Variants in ADCY3 observed in about 807,000 individuals in gnomAD.
ADCY3 encodes adenylate cyclase type 3.
ADCY3 carries 70 observed loss-of-function variants against 119.4 expected under a neutral mutation model. That is an observed-to-expected ratio of 0.59 (90% CI 0.48 to 0.72). ADCY3 has a LOEUF of 0.72. Among genes scored for constraint, ADCY3 ranks in the 30% least tolerant of loss-of-function variants. The pLI is 0.00. For synonymous variants in ADCY3, 672 were observed against 621.4 expected (o/e 1.08, Z -1.21); for missense variants, 1,238 against 1,541.6 (o/e 0.80, Z 3.30).
chr2:24,827,855 G>A, intron 14 of ADCY3, 47 bp downstream of exon 14: 1 of 1,606,714 alleles, frequency 6.2e-7, no homozygotes, highest in African/African-American at 1.3e-5. Flanking sequence ...GACTTTGCGG[G>A]CGGGAGGAAG....
intron 2 of ADCY3, among the ~76,000 whole-genome samples, chr2:24,914,329 C>T (rs1187633227): frequency 1.3e-5 from 2 of 152,208 alleles, no homozygotes; most frequent in African/African-American, 4.8e-5. Context: ...CTGTTTCTGC[C>T]ACCAAAGTGA....
chr2:24,862,342 C>T (rs923577295), intron 3 of ADCY3, among the ~76,000 whole-genome samples: 10 of 152,122 alleles, frequency 6.6e-5, no homozygotes, highest in Non-Finnish European at 1.2e-4. Context: ...GTCAGGAGAT[C>T]GAGACCATCC....
At chr2:24,889,037 A>C (rs1287564048) in intron 2 of ADCY3, among the ~76,000 whole-genome samples, 1 of 152,228 alleles carries the variant, frequency 6.6e-6, no homozygotes, top group Non-Finnish European at 1.5e-5. Flanking sequence ...AAGGCTGCAG[A>C]AAACTCAACT....
At chr2:24,908,337 GA>G (rs955771115) in intron 2 of ADCY3, among the ~76,000 whole-genome samples, 4 of 151,512 alleles carry the variant, frequency 2.6e-5, no homozygotes, top group African/African-American at 4.9e-5. Context: ...AAAAAAGAAA[GA>G]AAAAAAAGTA....
chr2:24,839,554 G>A (rs963827072), intron 7 of ADCY3, among the ~76,000 whole-genome samples: 4 of 152,222 alleles, frequency 2.6e-5, no homozygotes, highest in Admixed American at 6.5e-5. Flanking sequence ...GACATAAGGA[G>A]AGCTGGGGCA....
intron 3 of ADCY3, among the ~76,000 whole-genome samples, chr2:24,861,556 A>G (rs921706400): frequency 6.6e-6 from 1 of 151,516 alleles, no homozygotes; most frequent in African/African-American, 2.4e-5. Flanking sequence ...GTGTTTTTCC[A>G]TCTATTATCT....
rs554976843 is a variant in ADCY3 at position 24,878,560 on chromosome 2, G to C, written c.676-5841C>G. ...AGAGACCTATGACGTTCTGCGGCTG[G>C]AGGCCAGCCGCACGGGAAACTCGTC... is the stretch of plus-strand genomic sequence containing the variant. On this transcript the variant is annotated intron_variant, in intron 2 of 21. Transcript: ENST00000679454. The surrounding 1 kb of genome is among the most constrained non-coding windows in gnomAD (Gnocchi z 4.0). Among the ~76,000 whole-genome samples, 3 of 152,274 alleles carry C rather than the reference G, an allele frequency of 2.0e-5. No individual in the cohort carries two copies. The highest frequency in any genetic ancestry group is 6.5e-5 in the Admixed American group (1 of 15,296).
chr2:24,825,282 CCT>C (rs1223168106), intron 16 of ADCY3, among the ~76,000 whole-genome samples: 2 of 147,384 alleles, frequency 1.4e-5, no homozygotes, highest in African/African-American at 2.6e-5. Flanking sequence ...CTTTCTCTTC[CCT>C]CTCTTCCTTC....
At chr2:24,887,185 C>G (rs1316289712) in intron 2 of ADCY3, among the ~76,000 whole-genome samples, 3 of 152,114 alleles carry the variant, frequency 2.0e-5, no homozygotes, top group African/African-American at 4.8e-5. Context: ...GAAGACGTGC[C>G]GAGCGAAAGG....
chr2:24,915,764 C>A (rs1664373117), intron 2 of ADCY3, among the ~76,000 whole-genome samples: 1 of 152,192 alleles, frequency 6.6e-6, no homozygotes. Flanking sequence ...TGGTCTTGAA[C>A]TCCTGACCTC....
intron 3 of ADCY3, among the ~76,000 whole-genome samples, chr2:24,854,780 T>C (rs1672806650): frequency 6.6e-6 from 1 of 152,180 alleles, no homozygotes; most frequent in African/African-American, 2.4e-5. Flanking sequence ...CTGGGCATGG[T>C]GGATCACGCC....
intron 16 of ADCY3, among the ~76,000 whole-genome samples, chr2:24,825,250 T>C (rs924371436): frequency 5.3e-5 from 8 of 151,300 alleles, no homozygotes; most frequent in African/African-American, 1.5e-4. Context: ...TGAACTAACA[T>C]TGGGCCCTAA....
At chr2:24,891,895 G>A (rs538038210) in intron 2 of ADCY3, among the ~76,000 whole-genome samples, 10 of 152,210 alleles carry the variant, frequency 6.6e-5, no homozygotes, top group South Asian at 2.1e-4. Flanking sequence ...TCATAGATAC[G>A]TATATATAGG....
chr2:24,844,989 G>C (rs1004068819), intron 3 of ADCY3, among the ~76,000 whole-genome samples: 10 of 152,174 alleles, frequency 6.6e-5, no homozygotes, highest in Non-Finnish European at 1.3e-4. Context: ...GGTTTATCAG[G>C]AGTTTCTGCT....
At chr2:24,856,732 G>A (rs55951414) in intron 3 of ADCY3, among the ~76,000 whole-genome samples, 10,467 of 152,270 alleles carry the variant, frequency 0.069, 440 homozygotes, top group East Asian at 0.095. Context: ...TCAGTCACTC[G>A]AAGGACAGTC....
At chr2:24,886,401 T>C (rs1454930725) in intron 2 of ADCY3, among the ~76,000 whole-genome samples, 1 of 152,056 alleles carries the variant, frequency 6.6e-6, no homozygotes, top group African/African-American at 2.4e-5. Context: ...GCCTCCTCCA[T>C]CGAGCCCACC....
At chr2:24,820,993 A>T (rs1012247346) in intron 20 of ADCY3, 145 bp from the exon 21 acceptor site, 2 of 1,203,322 alleles carry the variant, frequency 1.7e-6, no homozygotes, top group Non-Finnish European at 2.3e-6. Flanking sequence ...ATGCTATTGG[A>T]GGGTGGAAAT....
At chr2:24,865,682 C>T (rs1203761941) in intron 3 of ADCY3, among the ~76,000 whole-genome samples, 3 of 152,064 alleles carry the variant, frequency 2.0e-5, no homozygotes, top group Non-Finnish European at 4.4e-5. Flanking sequence ...CGATTTTATA[C>T]ATGTATACGT....
intron 2 of ADCY3, among the ~76,000 whole-genome samples, chr2:24,909,139 C>T (rs60943237): frequency 0.042 from 6,420 of 152,254 alleles, 424 homozygotes; most frequent in African/African-American, 0.15. Flanking sequence ...GGATGTCCCA[C>T]GGGCAACTCA....
Sources: allele counts gnomAD v4.1 joint callset (sites outside exome capture counted in the v4.1 genomes callset), GRCh38; gene constraint gnomAD v4.1.1; non-coding constraint Gnocchi (gnomAD v3.1); transcripts MANE v1.5; gene names NCBI Gene and HGNC (gene_info 2026-07-23, HGNC 2026-07-21).